Variants in DNMT1 observed in about 807,000 individuals in gnomAD.
DNMT1 encodes DNA methyltransferase 1.
In DNMT1, 24 loss-of-function variants were observed where a neutral mutation model predicts 205.3. That is an observed-to-expected ratio of 0.12 (90% CI 0.08 to 0.16). The LOEUF is 0.16. Among genes scored for constraint, DNMT1 ranks in the 10% least tolerant of loss-of-function variants. DNMT1 has a pLI of 1.00. For missense variants in DNMT1, 1,293 were observed against 2,177.7 expected, an observed-to-expected ratio of 0.59 and a Z score of 8.09; for synonymous variants, 817 against 839.8, an observed-to-expected ratio of 0.97 and a Z score of 0.47.
intron 1 of DNMT1, among the ~76,000 whole-genome samples, chr19:10,185,100 G>A (rs2039152670): frequency 6.6e-6 from 1 of 152,168 alleles, no homozygotes; most frequent in African/African-American, 2.4e-5. Flanking sequence ...CACTAGGCAG[G>A]GACTTCCTGA....
chr19:10,156,030 T>C lies in DNMT1; in HGVS notation c.1400-85A>G. On this transcript the variant is annotated intron_variant, in intron 18 of 40. Transcript: ENST00000359526. This position sits in a 1 kb window ranked among gnomAD's most constrained non-coding sequence, Gnocchi z 4.2. ...GCTCTAAGCGCCCACTCAGCAGACA[T>C]CCCATCAGCCAGGTCGGGTGCTCCT... is the stretch of plus-strand genomic sequence containing the variant. The C allele has an allele frequency of 7.1e-7, 1 of 1,411,470 alleles. No individual in the cohort carries two copies. The highest frequency in any genetic ancestry group is 9.8e-7 in the Non-Finnish European group (1 of 1,020,368). 87.4% of individuals were successfully genotyped at this position (1,411,470 alleles called of 1,614,324 possible).
intron 27 of DNMT1, among the ~76,000 whole-genome samples, chr19:10,148,482 C>T (rs1386047644): frequency 2.2e-5 from 3 of 136,598 alleles, no homozygotes; most frequent in African/African-American, 5.5e-5. Flanking sequence ...GGCAACAGAG[C>T]GAGACTCCGT....
At chr19:10,155,966 G>A (rs1436898816) in intron 18 of DNMT1, 21 bp from the exon 19 acceptor site, 2 of 1,608,008 alleles carry the variant, frequency 1.2e-6, no homozygotes, top group Admixed American at 1.7e-5. Flanking sequence ...AAAAGGAAAT[G>A]GACTAAAGGC....
At chr19:10,170,011 C>T (rs536020492) in intron 9 of DNMT1, among the ~76,000 whole-genome samples, 6 of 152,188 alleles carry the variant, frequency 3.9e-5, no homozygotes, top group East Asian at 1.9e-4. Flanking sequence ...CTCGGCCGGG[C>T]GTGGTGTTTC....
chr19:10,162,964 CTTTTTTTTTTT>C (rs397859775), intron 12 of DNMT1: 57 of 353,144 alleles, frequency 1.6e-4, no homozygotes, highest in Non-Finnish European at 2.4e-4. Context: ...CTAGAACAGG[CTTTTTTTTTTT>C]TTTTTTTTTG....
intron 13 of DNMT1, among the ~76,000 whole-genome samples, chr19:10,161,321 G>GTAAATAAA (rs112691763): frequency 1.6e-3 from 229 of 146,682 alleles, no homozygotes; most frequent in Non-Finnish European, 2.2e-3. Flanking sequence ...AAATACATAA[G>GTAAATAAA]TAAATAAATA....
chr19:10,146,478 T>A lies in DNMT1; in HGVS notation c.2767A>T (p.Ile923Phe). ...ARLAEMRQKE[I>F]PRVLEQLEDL... is the part of the protein sequence containing the mutation. ...TCGAGCTGCTCCAGGACCCTGGGGA[T>A]TTCTTTTTGCCTCATCTCAGCCAGA... The change falls in exon 28 of 41, where the codon ATC becomes TTC. Residue 923 changes from isoleucine (I) to phenylalanine (F), a missense_variant. Ile to Phe is a conservative substitution (Grantham distance 21). Coordinates refer to ENST00000359526, the MANE Select transcript of DNMT1 (RefSeq NM_001130823.3). The surrounding 1 kb of genome is among the most constrained non-coding windows in gnomAD (Gnocchi z 4.4). 3 of 1,614,092 alleles carry A rather than the reference T, an allele frequency of 1.9e-6. No individual in the cohort carries two copies. The highest frequency in any genetic ancestry group is 2.5e-6 in the Non-Finnish European group (3 of 1,180,012).
chr19:10,167,485 C>T (rs979206091), intron 10 of DNMT1, among the ~76,000 whole-genome samples: 1 of 152,226 alleles, frequency 6.6e-6, no homozygotes, highest in Non-Finnish European at 1.5e-5. Context: ...GCGCGAGCTA[C>T]TGCACCTGGC....
chr19:10,177,494 T>C (rs2038958681), intron 5 of DNMT1, 127 bp from the exon 6 acceptor site: 5 of 910,742 alleles, frequency 5.5e-6, no homozygotes, highest in South Asian at 3.1e-5. Context: ...ACTAAGCATC[T>C]TTGCATTTTT....
intron 11 of DNMT1, among the ~76,000 whole-genome samples, 169 bp from the exon 12 acceptor site, chr19:10,163,529 C>T (rs2038625697): frequency 6.6e-6 from 1 of 152,138 alleles, no homozygotes; most frequent in Non-Finnish European, 1.5e-5. Context: ...CACGAGGCTT[C>T]ACTTTCCCTC....
At position 10,154,739 on chromosome 19, in the gene DNMT1, C is replaced by T. The variant is rs1568234601; in HGVS notation, c.1679G>A (p.Arg560His). The T allele has an allele frequency of 3.7e-6, 6 of 1,614,086 alleles. No homozygotes were observed. The Admixed American group carries it at 5.0e-5, about 13-fold the overall frequency. Residue 560 changes from arginine (R) to histidine (H), a missense_variant, in exon 21 of 41, where the codon CGC (arginine) becomes CAC (histidine). Physicochemically the swap from Arg to His is conservative, Grantham distance 29. Around this residue, in one of 13 missense-constraint regions of DNMT1, gnomAD observed 120 missense variants for 315.9 expected, o/e 0.38. Coordinates refer to ENST00000359526, the MANE Select transcript of DNMT1 (RefSeq NM_001130823.3). This position sits in a 1 kb window ranked among gnomAD's most constrained non-coding sequence, Gnocchi z 6.3. ...TVPPSGLNLN[R>H]FTEDSLLRHA... ...TCGCAGGAGGGAGTCCTCTGTGAAG[C>T]GGTTCAAGTTGAGGCCAGAAGGAGG...
chr19:10,181,095 G>A (rs1461014796), intron 2 of DNMT1, among the ~76,000 whole-genome samples: 1 of 152,136 alleles, frequency 6.6e-6, no homozygotes, highest in African/African-American at 2.4e-5. Context: ...GTGAAAAATG[G>A]GAAAGCTGGA....
Position 10,140,202 on chromosome 19 carries a change from C to T in DNMT1, c.3650G>A (p.Gly1217Glu). The change falls in exon 33 of 41, where the codon GGG becomes GAG. Residue 1217 changes from glycine (G) to glutamate (E), a missense_variant. Physicochemically the swap from Gly to Glu is moderately conservative, Grantham distance 98 (BLOSUM62 -2). This residue lies in a region of DNMT1 where 24 missense variants were observed against 27.2 expected (regional missense o/e 0.88). Coordinates refer to ENST00000359526, the MANE Select transcript of DNMT1 (RefSeq NM_001130823.3). This position sits in a 1 kb window ranked among gnomAD's most constrained non-coding sequence, Gnocchi z 8.4. ...CNILLKLVMA[G>E]ETTNSRGQRL... ...CTGGCCGCGGGAGTTGGTGGTCTCC[C>T]CAGCCATGACCAGCTTCAGCAGGAT... The T allele has an allele frequency of 6.2e-7, 1 of 1,614,070 alleles. No individual in the cohort carries two copies. The highest frequency in any genetic ancestry group is 1.1e-5 in the South Asian group (1 of 91,084).
chr19:10,176,345 T>C lies in DNMT1; in HGVS notation c.570-727A>G, dbSNP rs1002806058. On this transcript the variant is annotated intron_variant, in intron 6 of 40. Coordinates refer to ENST00000359526, the MANE Select transcript of DNMT1 (RefSeq NM_001130823.3). The stretch of plus-strand genomic sequence containing the variant: ...TTTCTTCAAGTAAATGGCAAGAAGA[T>C]AAGAGATGAAGGAATTTAAAATCTG... Among the ~76,000 whole-genome samples the C allele has an allele frequency of 7.2e-5, 11 of 152,062 alleles. No individual in the cohort carries two copies. The South Asian group carries it at 2.1e-3, about 29-fold the overall frequency.
Position 10,192,884 on chromosome 19 carries a change from T to C in DNMT1, c.80+1936A>G, listed in dbSNP as rs1345041834. On this transcript the variant is annotated intron_variant, in intron 1 of 40. Transcript: ENST00000359526. Reference sequence around the variant, plus strand: ...CAACATGGAGAAACCCCGACTCCACTGAAAACACAAAAATTAGCCAGGCGT... The same window carrying C: ...CAACATGGAGAAACCCCGACTCCACCGAAAACACAAAAATTAGCCAGGCGT... Among the ~76,000 whole-genome samples, 3 of 151,886 alleles carry C rather than the reference T, an allele frequency of 2.0e-5. No homozygotes were observed. In the East Asian group the frequency reaches 5.8e-4, roughly 29 times the overall value.
chr19:10,173,781 C>G, intron 8 of DNMT1, 90 bp downstream of exon 8: 1 of 1,446,320 alleles, frequency 6.9e-7, no homozygotes, highest in South Asian at 1.1e-5. Flanking sequence ...CATGAGTCAC[C>G]GTGCCCGGCC....
intron 1 of DNMT1, among the ~76,000 whole-genome samples, chr19:10,192,327 C>CA (rs1599413559): frequency 6.6e-6 from 1 of 152,108 alleles, no homozygotes; most frequent in Non-Finnish European, 1.5e-5. Flanking sequence ...TAGCCACTAG[C>CA]ATGTGAACCT....
intron 1 of DNMT1, among the ~76,000 whole-genome samples, chr19:10,185,154 G>A (rs772237448): frequency 6.6e-6 from 1 of 152,154 alleles, no homozygotes. Context: ...GGCCGGGCAC[G>A]GTGGCTCACG....
At chr19:10,136,330 G>C (rs764619485) in intron 37 of DNMT1, 43 bp from the exon 38 acceptor site, 1 of 1,609,768 alleles carries the variant, frequency 6.2e-7, no homozygotes, top group Non-Finnish European at 8.5e-7. Flanking sequence ...GTGGGATGGG[G>C]TATAGGCTTG....
Sources: gnomAD v4.1 joint callset for allele counts (sites outside exome capture counted in the v4.1 genomes callset) on GRCh38, gnomAD v4.1.1 for gene constraint, gnomAD v4.1.1 regional missense constraint, Gnocchi (gnomAD v3.1) non-coding constraint, MANE v1.5 for transcripts, NCBI Gene and HGNC (gene_info 2026-07-23, HGNC 2026-07-21) for gene names.